ANKRD6: variants seen among roughly 807,000 people sequenced by gnomAD.
ANKRD6 encodes the protein ankyrin repeat domain-containing protein 6.
A neutral mutation model predicts 82.3 loss-of-function variants in ANKRD6; 56 were observed. The ratio of observed to expected loss-of-function variants is 0.68; its 90% CI spans 0.55 to 0.85. ANKRD6 has a LOEUF of 0.85. ANKRD6 is among the 40% of genes least tolerant of loss of function. The probability of loss-of-function intolerance (pLI) is 0.00; values close to 1 mark genes in which losing one functional copy is unlikely to be tolerated. For missense variants in ANKRD6, 852 were observed against 907.6 expected (o/e 0.94, Z 0.79); for synonymous variants, 347 against 352.1 (o/e 0.99, Z 0.16).
intron 5 of ANKRD6, among the ~76,000 whole-genome samples, chr6:89,608,284 G>T (rs1025093405): frequency 6.6e-5 from 10 of 151,704 alleles, no homozygotes; most frequent in African/African-American, 2.2e-4. Context: ...TAATGAATCA[G>T]GTGGGCTAGA....
At chr6:89,490,184 G>A (rs1044254148) in intron 1 of ANKRD6, among the ~76,000 whole-genome samples, 1 of 152,154 alleles carries the variant, frequency 6.6e-6, no homozygotes, top group Non-Finnish European at 1.5e-5. Context: ...CTAGTTGTTG[G>A]TCATCGTAGG....
At chr6:89,589,973 C>T (rs1366831299) in intron 2 of ANKRD6, among the ~76,000 whole-genome samples, 1 of 152,192 alleles carries the variant, frequency 6.6e-6, no homozygotes, top group Non-Finnish European at 1.5e-5. Flanking sequence ...GATACCAGGG[C>T]CCCTTGAGGA....
At chr6:89,471,359 CA>C (rs568718441) in intron 1 of ANKRD6, among the ~76,000 whole-genome samples, 3,348 of 57,238 alleles carry the variant, frequency 0.058, 47 homozygotes, top group African/African-American at 0.074. Context: ...ACAACAACAA[CA>C]AAAAAAAAAA....
chr6:89,611,781 C>T lies in ANKRD6; in HGVS notation c.418-491C>T, dbSNP rs149327567. On this transcript the variant is annotated intron_variant, in intron 5 of 15. Transcript: ENST00000339746. ...TTAAATCTCAGTTGCATTAGCCTGC[C>T]CTTCCAGGAAGTGGCTAGTTTTACT... Among the ~76,000 whole-genome samples, 15 of 152,350 alleles carry T rather than the reference C, an allele frequency of 9.8e-5. No homozygotes were observed. In the East Asian group the frequency reaches 2.7e-3, roughly 27 times the overall value.
At chr6:89,559,594 G>T (rs936323205) in intron 1 of ANKRD6, among the ~76,000 whole-genome samples, 1 of 152,218 alleles carries the variant, frequency 6.6e-6, no homozygotes. Context: ...TGGTTTTATT[G>T]TGATGCTGTG....
At chr6:89,453,684 A>G (rs932329878) in intron 1 of ANKRD6, among the ~76,000 whole-genome samples, 1 of 152,040 alleles carries the variant, frequency 6.6e-6, no homozygotes, top group African/African-American at 2.4e-5. Context: ...GGTTCAAGCT[A>G]TTCTCCTGCC....
chr6:89,494,985 A>G (rs2127856222), intron 1 of ANKRD6, among the ~76,000 whole-genome samples: 1 of 152,356 alleles, frequency 6.6e-6, no homozygotes, highest in South Asian at 2.1e-4. Context: ...CTGTAATCCC[A>G]GCACTTTGGG....
At chr6:89,628,835 G>A in intron 14 of ANKRD6, 1 of 426,208 alleles carries the variant, frequency 2.3e-6, no homozygotes, top group Non-Finnish European at 4.3e-6. Flanking sequence ...CGTGAGGATG[G>A]TACCAAGCCA....
intron 2 of ANKRD6, among the ~76,000 whole-genome samples, chr6:89,581,197 A>C (rs576158200): frequency 6.6e-6 from 1 of 152,332 alleles, no homozygotes; most frequent in South Asian, 2.1e-4. Flanking sequence ...TGGCTTAACC[A>C]ATCCCCTATT....
intron 2 of ANKRD6, among the ~76,000 whole-genome samples, chr6:89,589,083 A>T (rs1794366342): frequency 6.7e-6 from 1 of 149,440 alleles, no homozygotes. Context: ...TTCTGTTGGG[A>T]CGGGTCTTGT....
Position 89,595,970 on chromosome 6 carries a change from C to T in ANKRD6, c.175C>T (p.Gln59Ter), listed in dbSNP as rs765628094. The T allele has an allele frequency of 1.2e-6, 2 of 1,611,160 alleles. No individual in the cohort carries two copies. The highest frequency in any genetic ancestry group is 2.2e-5 in the East Asian group (1 of 44,806). Residue 59 changes from glutamine to a stop codon, truncating the protein, a stop_gained, in exon 3 of 16, where the codon CAG (glutamine) becomes TAG (stop). Coordinates refer to ENST00000339746, the MANE Select transcript of ANKRD6 (RefSeq NM_001242809.2). LOFTEE classifies it high-confidence loss of function. Reference protein sequence around the residue: ...AANKGHLPVVQILLKAGCDLD... With the variant: ...AANKGHLPVV ...CAATAAGGGCCATCTTCCTGTGGTC[C>T]AGATCTTGCTGAAGGCTGGCTGCGA...
rs1357853660 is a variant in ANKRD6, at chr6:89,633,725, T to C, written c.*2721T>C. 2.0e-5 allele frequency: 3 copies of C among 152,254 alleles called. No individual in the cohort carries two copies. Among genetic ancestry groups the C allele is most frequent in the African/African-American group, 7.2e-5 (3 of 41,470 alleles). The allele number at this position is 152,254 out of a possible 1,614,324, so 9.4% of individuals were successfully genotyped here. Reference sequence around the variant, plus strand: ...GTCAAGTGTTGATATACTTGAGGCATGTTATGTGTCTTCTAATTAATATTT... The same window carrying C: ...GTCAAGTGTTGATATACTTGAGGCACGTTATGTGTCTTCTAATTAATATTT... On this transcript the variant is annotated 3_prime_UTR_variant, in exon 16 of 16. Transcript: ENST00000339746.
chr6:89,470,327 A>G (rs1434399129), intron 1 of ANKRD6, among the ~76,000 whole-genome samples: 1 of 152,226 alleles, frequency 6.6e-6, no homozygotes, highest in Non-Finnish European at 1.5e-5. Flanking sequence ...TGAGTCAAAA[A>G]TGATTAATAG....
At chr6:89,606,374 G>A (rs1445651270) in intron 5 of ANKRD6, among the ~76,000 whole-genome samples, 6 of 152,134 alleles carry the variant, frequency 3.9e-5, no homozygotes, top group African/African-American at 1.4e-4. Flanking sequence ...TGCGATTACT[G>A]TCCCATAGTT....
intron 1 of ANKRD6, among the ~76,000 whole-genome samples, chr6:89,459,186 C>G (rs1773838050): frequency 3.3e-5 from 5 of 152,174 alleles, no homozygotes; most frequent in Admixed American, 2.6e-4. Flanking sequence ...TCAAACGATT[C>G]TCCTGCCTCA....
At position 89,623,894 on chromosome 6, in the gene ANKRD6, C is replaced by T. The variant is rs1312996947; in HGVS notation, c.1055C>T (p.Thr352Ile). The T allele has an allele frequency of 1.9e-6, 3 of 1,613,194 alleles. No individual in the cohort carries two copies. The highest frequency in any genetic ancestry group is 1.3e-5 in the African/African-American group (1 of 74,908). The change falls in exon 12 of 16, where the codon ACC becomes ATC. Residue 352 changes from threonine (T) to isoleucine (I), a missense_variant. Thr to Ile is a moderately conservative substitution (Grantham distance 89). Transcript: ENST00000339746. ...RPKVSAFSDP[T>I]PPADQQPGHQ... ...CAGGTGTCAGCATTTTCTGACCCCA[C>T]CCCACCAGCCGACCAACAGCCTGGA...
At chr6:89,505,790 A>G (rs143212701) in intron 1 of ANKRD6, among the ~76,000 whole-genome samples, 28 of 152,328 alleles carry the variant, frequency 1.8e-4, no homozygotes, top group African/African-American at 6.5e-4. Flanking sequence ...TCAGCACCCC[A>G]CGTTTGTTGC....
At chr6:89,454,126 T>C (rs1299273439) in intron 1 of ANKRD6, among the ~76,000 whole-genome samples, 1 of 152,150 alleles carries the variant, frequency 6.6e-6, no homozygotes, top group Non-Finnish European at 1.5e-5. Flanking sequence ...TGCGAAGTTT[T>C]TGCTGGTGTC....
In ANKRD6 at chr6:89,624,588, A is replaced by G; in HGVS notation, c.1268A>G (p.Asn423Ser). 6.4e-7 allele frequency: 1 copy of G among 1,559,482 alleles called. No individual in the cohort carries two copies. The highest frequency in any genetic ancestry group is 8.7e-7 in the Non-Finnish European group (1 of 1,151,244). Residue 423 changes from asparagine to serine, a missense_variant, in exon 13 of 16, where the codon AAT (asparagine) becomes AGT (serine). Coordinates refer to ENST00000339746, the MANE Select transcript of ANKRD6 (RefSeq NM_001242809.2). ...RCEPLINKLENQLEATVEEIK... is the reference protein window; with the variant it reads ...RCEPLINKLESQLEATVEEIK... ...GAACCTCTAATCAACAAGCTGGAGA[A>G]TCAGTTGGAGGCTACTGTGGAGGAG... is the stretch of plus-strand genomic sequence containing the variant.
Sources: gnomAD v4.1 joint callset for allele counts (sites outside exome capture counted in the v4.1 genomes callset) on GRCh38, gnomAD v4.1.1 for gene constraint, MANE v1.5 for transcripts, NCBI Gene and HGNC (gene_info 2026-07-23, HGNC 2026-07-21) for gene names.